The following LMO7 variants were observed in gnomAD, a reference collection of about 807,000 sequenced individuals.
The protein encoded by LMO7 is LIM domain 7.
LMO7 carries 120 observed loss-of-function variants against 206.5 expected under a neutral mutation model. The observed-to-expected ratio is 0.58, with a 90% CI of 0.50 to 0.68. The LOEUF is 0.68. Ranked by LOEUF, LMO7 falls within the 30% of genes least tolerant of loss-of-function variation. The pLI, the probability that LMO7 is intolerant of heterozygous loss-of-function variation, is 0.00. For synonymous variants in LMO7, 706 were observed against 681.5 expected (o/e 1.04, Z -0.56); for missense variants, 1,959 against 1,957.9 (o/e 1.00, Z -0.01).
At chr13:75,662,830 G>C (rs2038732528) in intron 1 of LMO7, among the ~76,000 whole-genome samples, 1 of 152,198 alleles carries the variant, frequency 6.6e-6, no homozygotes, top group African/African-American at 2.4e-5. Context: ...GACTGTGTGA[G>C]CAAAAATGTT....
chr13:75,664,592 T>G (rs909260906), intron 1 of LMO7, among the ~76,000 whole-genome samples: 5 of 152,222 alleles, frequency 3.3e-5, no homozygotes, highest in African/African-American at 1.2e-4. Context: ...TTTTAGTTTT[T>G]TGAGGAACCA....
rs866517478 is a variant in LMO7 at position 75,717,381 on chromosome 13, A to C, written c.140+4129A>C. 3.8e-3 allele frequency among the ~76,000 whole-genome samples: 525 copies of C among 139,066 alleles called. 1 individual carries two copies. Among genetic ancestry groups the C allele is most frequent in the Middle Eastern group, 0.03 (8 of 270 alleles). 91.2% of individuals were successfully genotyped at this position (139,066 alleles called of 152,430 possible). A position where few individuals can be genotyped will look rare whatever the true frequency, so the allele number is the denominator to read the frequency against. ...CCGTCTCAAAAAAAAAAAAAAAAAA[A>C]CACACAAACAAAAAAACACAACTCT... On this transcript the variant is annotated intron_variant, in intron 2 of 30. Transcript: ENST00000377534.
At chr13:75,821,863 G>A (rs1038885934) in intron 14 of LMO7, among the ~76,000 whole-genome samples, 14 of 152,210 alleles carry the variant, frequency 9.2e-5, no homozygotes, top group African/African-American at 3.4e-4. Context: ...TATATTCTAA[G>A]GCAGAGTATT....
At chr13:75,848,911 CCAA>C in intron 26 of LMO7, 165 bp from the exon 27 acceptor site, 1 of 580,546 alleles carries the variant, frequency 1.7e-6, no homozygotes, top group Non-Finnish European at 3.1e-6. Context: ...TGCATTCACA[CCAA>C]CGTCTATTAT....
At chr13:75,621,958 G>T in intron 1 of LMO7, 1 of 896,236 alleles carries the variant, frequency 1.1e-6, no homozygotes, top group East Asian at 3.0e-5. Context: ...AGGAACACAT[G>T]TAGGTGGAAA....
At chr13:75,652,762 A>T (rs1005231697) in intron 1 of LMO7, among the ~76,000 whole-genome samples, 3 of 152,154 alleles carry the variant, frequency 2.0e-5, no homozygotes, top group African/African-American at 7.2e-5. Flanking sequence ...ATGCTGCTTT[A>T]TTAAACTTAA....
intron 29 of LMO7, among the ~76,000 whole-genome samples, chr13:75,855,954 G>T (rs901756425): frequency 6.6e-6 from 1 of 152,192 alleles, no homozygotes; most frequent in Non-Finnish European, 1.5e-5. Context: ...CTGGAGGCCC[G>T]CAGACCACAG....
rs536168735 is a variant in LMO7, at chr13:75,711,759, T to C, written c.70-1423T>C. 1.6e-4 allele frequency among the ~76,000 whole-genome samples: 24 copies of C among 152,356 alleles called. No individual in the cohort carries two copies. The East Asian group carries it at 4.6e-3, about 29-fold the overall frequency. The stretch of plus-strand genomic sequence containing the variant: ...ATTTGGCCATCTTGGCTCCACCCCC[T>C]ACATTTTTCTTATGAGGCTGTGGGC... On this transcript the variant is annotated intron_variant, in intron 1 of 30. Coordinates refer to ENST00000377534, the MANE Select transcript of LMO7 (RefSeq NM_001306080.2).
Position 75,841,170 on chromosome 13 carries a change from C to CAG in LMO7, c.3654_3655dup (p.Asn1219ArgfsTer10). 3.1e-6 allele frequency: 5 copies of CAG among 1,612,544 alleles called. No homozygotes were observed. Among genetic ancestry groups the CAG allele is most frequent in the Non-Finnish European group, 4.2e-6 (5 of 1,178,772 alleles). ...GAGTGGCAAAGGGCCAAACAGGAGGCAGAGAGAGAGAATTCCAAGTACTTG... is the reference window on the plus strand; with the variant it reads ...GAGTGGCAAAGGGCCAAACAGGAGGCAGAGAGAGAGAGAATTCCAAGTACTTG... On this transcript the variant is annotated frameshift_variant, in exon 23 of 31. Coordinates refer to ENST00000377534, the MANE Select transcript of LMO7 (RefSeq NM_001306080.2). LOFTEE classifies it high-confidence loss of function.
intron 1 of LMO7, among the ~76,000 whole-genome samples, chr13:75,703,751 A>T (rs2137943693): frequency 7.0e-6 from 1 of 142,540 alleles, no homozygotes; most frequent in South Asian, 2.1e-4. Flanking sequence ...CACTGTGAGG[A>T]CAGTTTAAAA....
chr13:75,774,450 G>A (rs2120067), intron 4 of LMO7, among the ~76,000 whole-genome samples: 54,083 of 151,928 alleles, frequency 0.36, 9,993 homozygotes, highest in East Asian at 0.59. Context: ...ATGGACATTT[G>A]TGTATCCAAG....
chr13:75,760,091 C>T (rs1487318422), intron 3 of LMO7, among the ~76,000 whole-genome samples: 1 of 151,766 alleles, frequency 6.6e-6, no homozygotes, highest in East Asian at 1.9e-4. Context: ...GAGATGAAGC[C>T]TAAGTTAATT....
intron 4 of LMO7, among the ~76,000 whole-genome samples, chr13:75,790,320 T>A (rs2053092290): frequency 6.6e-6 from 1 of 152,156 alleles, no homozygotes; most frequent in Non-Finnish European, 1.5e-5. Flanking sequence ...AAGCATTTTT[T>A]AAATCTCTCA....
At chr13:75,843,458 G>A (rs1005748615) in intron 25 of LMO7, among the ~76,000 whole-genome samples, 1 of 152,152 alleles carries the variant, frequency 6.6e-6, no homozygotes, top group African/African-American at 2.4e-5. Context: ...GAATGGACAC[G>A]GCCGGGAAAG....
rs35029342 is a variant in LMO7, at chr13:75,692,395, CT to C, written c.70-20774del. Among the ~76,000 whole-genome samples the C allele has an allele frequency of 1.4e-3, 204 of 144,552 alleles. 1 individual carries two copies. Among genetic ancestry groups the C allele is most frequent in the East Asian group, 3.0e-3 (15 of 4,988 alleles). The allele number at this position is 144,552 out of a possible 152,430, so 94.8% of individuals were successfully genotyped here. ...CGATTCCTTAAATATGTTTCTTTTC[CT>C]TTTTTTTTTTTTCTTTCCAGAGACA... On this transcript the variant is annotated intron_variant, in intron 1 of 30. Transcript: ENST00000377534.
chr13:75,637,395 T>G (rs910800313), intron 1 of LMO7, among the ~76,000 whole-genome samples: 4 of 152,194 alleles, frequency 2.6e-5, no homozygotes, highest in African/African-American at 9.7e-5. Flanking sequence ...AGACAAGATC[T>G]TCCATTCCCT....
At chr13:75,799,973 A>T (rs545658137) in intron 6 of LMO7, among the ~76,000 whole-genome samples, 1 of 152,242 alleles carries the variant, frequency 6.6e-6, no homozygotes, top group African/African-American at 2.4e-5. Context: ...TGTGTCCTTT[A>T]TATGAGCCAA....
chr13:75,704,953 G>A (rs2042544612), intron 1 of LMO7, among the ~76,000 whole-genome samples: 1 of 152,184 alleles, frequency 6.6e-6, no homozygotes. Context: ...GGCAATTATT[G>A]CCTTAATATT....
Position 75,757,579 on chromosome 13 carries a change from C to T in LMO7, c.211-3353C>T, listed in dbSNP as rs539105888. Among the ~76,000 whole-genome samples the T allele has an allele frequency of 3.3e-5, 5 of 152,260 alleles. No individual in the cohort carries two copies. The South Asian group carries it at 8.3e-4, about 25-fold the overall frequency. On this transcript the variant is annotated intron_variant, in intron 3 of 30. Coordinates refer to ENST00000377534, the MANE Select transcript of LMO7 (RefSeq NM_001306080.2). The stretch of plus-strand genomic sequence containing the variant: ...TACCCTAGCCCACTCCACCCCACAC[C>T]TGTTATGGCTGCTTTATAATTGATT...
Sources: gnomAD v4.1 joint callset for allele counts (sites outside exome capture counted in the v4.1 genomes callset) on GRCh38, gnomAD v4.1.1 for gene constraint, MANE v1.5 for transcripts, NCBI Gene and HGNC (gene_info 2026-07-23, HGNC 2026-07-21) for gene names.